UBE2U: variants seen among roughly 807,000 people sequenced by gnomAD.
The protein encoded by UBE2U is ubiquitin conjugating enzyme E2 U.
A neutral mutation model predicts 41.2 loss-of-function variants in UBE2U; 39 were observed. The ratio of observed to expected loss-of-function variants is 0.95; its 90% confidence interval spans 0.73 to 1.24. The LOEUF is 1.24. UBE2U is among the 50% of genes most tolerant of loss of function. The pLI is 0.00. For missense variants in UBE2U, 336 were observed against 363.1 expected (o/e 0.93, Z 0.61); for synonymous variants, 107 against 117.8 (o/e 0.91, Z 0.60).
intron 7 of UBE2U, among the ~76,000 whole-genome samples, chr1:64,233,236 T>C (rs1418017822): frequency 1.3e-5 from 2 of 152,070 alleles, no homozygotes; most frequent in African/African-American, 4.8e-5. Context: ...CTTGATCTCC[T>C]GACCTCGTGA....
At chr1:64,223,830 G>A (rs969917091) in intron 6 of UBE2U, among the ~76,000 whole-genome samples, 2 of 152,084 alleles carry the variant, frequency 1.3e-5, no homozygotes, top group African/African-American at 2.4e-5. Flanking sequence ...AGACTATGGG[G>A]CCAGGGGATC....
intron 6 of UBE2U, among the ~76,000 whole-genome samples, chr1:64,225,701 G>A (rs573682010): frequency 1.5e-4 from 23 of 152,308 alleles, no homozygotes; most frequent in African/African-American, 3.8e-4. Flanking sequence ...GGCTTGCGCC[G>A]AAGGAGAATT....
Position 64,244,306 on chromosome 1 carries a change from T to C in UBE2U, c.677+2573T>C, listed in dbSNP as rs825193. The C allele has an allele frequency of 2.7e-3, 2,861 of 1,060,664 alleles. 48 individuals are homozygous for C. In the African/African-American group the frequency reaches 0.043, roughly 16 times the overall value. 65.7% of individuals were successfully genotyped at this position (1,060,664 alleles called of 1,614,324 possible). On this transcript the variant is annotated intron_variant, in intron 8 of 9. Coordinates refer to ENST00000371077, the MANE Select transcript of UBE2U (RefSeq NM_001366232.2). ...GACGCTTATTATTTTATATATATGA[T>C]TTCATTCGAGATATAAATAAAAATT...
intron 8 of UBE2U, among the ~76,000 whole-genome samples, chr1:64,251,377 C>A (rs1033512034): frequency 6.6e-6 from 1 of 151,814 alleles, no homozygotes; most frequent in South Asian, 2.1e-4. Context: ...TTGAAAATTT[C>A]GAATAATGTA....
At chr1:64,257,341 G>A (rs1645109513) in intron 8 of UBE2U, among the ~76,000 whole-genome samples, 1 of 152,116 alleles carries the variant, frequency 6.6e-6, no homozygotes. Context: ...ATTCACAAGA[G>A]CAAAGACATG....
At chr1:64,215,231 CA>C (rs940042702) in intron 5 of UBE2U, among the ~76,000 whole-genome samples, 47 of 140,738 alleles carry the variant, frequency 3.3e-4, no homozygotes, top group Admixed American at 5.7e-4. Context: ...AACTCTGTCT[CA>C]AAAAAAAAAA....
chr1:64,264,080 C>T (rs1226253424), intron 9 of UBE2U, among the ~76,000 whole-genome samples: 1 of 152,218 alleles, frequency 6.6e-6, no homozygotes, highest in Non-Finnish European at 1.5e-5. Context: ...CTGTGTTAGA[C>T]TCTCACTCTT....
intron 8 of UBE2U, among the ~76,000 whole-genome samples, chr1:64,248,275 C>T (rs972923778): frequency 6.6e-6 from 1 of 152,002 alleles, no homozygotes; most frequent in African/African-American, 2.4e-5. Flanking sequence ...CATGGGTTGG[C>T]TTAGGTCCTG....
chr1:64,230,417 C>A (rs1362323764), intron 6 of UBE2U, among the ~76,000 whole-genome samples: 1 of 152,050 alleles, frequency 6.6e-6, no homozygotes, highest in Non-Finnish European at 1.5e-5. Context: ...ATTTGAGGAC[C>A]CTGCACTGCC....
Position 64,203,781 on chromosome 1 carries a change from C to T in UBE2U, c.-270C>T, listed in dbSNP as rs1651117917. ...CATCCAAGTTTGTCTTGAGACTGGG[C>T]TGTGAGCCGGCACTGCAGTGAAACG... On this transcript the variant is annotated 5_prime_UTR_variant, in exon 1 of 10. Transcript: ENST00000371077. 1 of 354,450 alleles carries T rather than the reference C, an allele frequency of 2.8e-6. No individual in the cohort carries two copies. The highest frequency in any genetic ancestry group is 5.1e-6 in the Non-Finnish European group (1 of 196,284). The allele number at this position is 354,450 out of a possible 1,614,324, so 22.0% of individuals were successfully genotyped here. A position where few individuals can be genotyped will look rare whatever the true frequency, so the allele number is the denominator to read the frequency against.
intron 8 of UBE2U, among the ~76,000 whole-genome samples, chr1:64,248,971 C>CA (rs1644963961): frequency 6.6e-6 from 1 of 152,072 alleles, no homozygotes; most frequent in East Asian, 1.9e-4. Context: ...CTGATTTTCA[C>CA]AAAAAACTGA....
At chr1:64,242,266 C>T (rs556197997) in intron 8 of UBE2U, among the ~76,000 whole-genome samples, 2 of 152,212 alleles carry the variant, frequency 1.3e-5, no homozygotes, top group Non-Finnish European at 2.9e-5. Context: ...AAGGAAGGAA[C>T]CTTAATCTCA....
At chr1:64,226,731 T>C (rs1037628546) in intron 6 of UBE2U, among the ~76,000 whole-genome samples, 31 of 23,786 alleles carry the variant, frequency 1.3e-3, no homozygotes, top group African/African-American at 6.0e-3. Flanking sequence ...TGTTTCAAAA[T>C]AAAACTTAAA....
At chr1:64,239,056 A>G (rs71645566) in intron 7 of UBE2U, among the ~76,000 whole-genome samples, 800 of 65,690 alleles carry the variant, frequency 0.012, 13 homozygotes, top group African/African-American at 0.031. Context: ...AAGAAGAAGA[A>G]GAAGAAGAAG....
chr1:64,239,157 A>AGG lies in UBE2U; in HGVS notation c.596-2495_596-2494insGG, dbSNP rs756975010. Among the ~76,000 whole-genome samples the AGG allele has an allele frequency of 3.0e-4, 11 of 37,044 alleles. No homozygotes were observed. The South Asian group carries it at 4.1e-3, about 14-fold the overall frequency. The allele number at this position is 37,044 out of a possible 152,430, so 24.3% of individuals were successfully genotyped here. A position where few individuals can be genotyped will look rare whatever the true frequency, so the allele number is the denominator to read the frequency against. ...GAAGAAGAAGAAGAAGAAGAAGAAG[A>AGG]AAGAAGAAGAAGAAGAAGAAGAAGA... On this transcript the variant is annotated intron_variant, in intron 7 of 9. Transcript: ENST00000371077.
chr1:64,258,947 A>G (rs1449915382), intron 8 of UBE2U, among the ~76,000 whole-genome samples: 1 of 152,194 alleles, frequency 6.6e-6, no homozygotes, highest in Non-Finnish European at 1.5e-5. Context: ...AACAGTGTAA[A>G]AGCGTTTCTA....
At chr1:64,266,180 T>G (rs1557755503) in intron 9 of UBE2U, among the ~76,000 whole-genome samples, 1 of 152,192 alleles carries the variant, frequency 6.6e-6, no homozygotes, top group Non-Finnish European at 1.5e-5. Flanking sequence ...TCTAGAAATA[T>G]AGACATTATA....
chr1:64,220,336 T>C (rs1652354497), intron 5 of UBE2U, among the ~76,000 whole-genome samples: 2 of 152,090 alleles, frequency 1.3e-5, no homozygotes, highest in African/African-American at 4.8e-5. Flanking sequence ...GAATCAGGAA[T>C]CTTGTCTGTT....
chr1:64,245,404 A>G (rs1446205015), intron 8 of UBE2U, among the ~76,000 whole-genome samples: 2 of 152,218 alleles, frequency 1.3e-5, no homozygotes, highest in African/African-American at 4.8e-5. Context: ...ACTCTAGCTA[A>G]TGATTGCTTC....
Sources: gnomAD v4.1 joint callset for allele counts (sites outside exome capture counted in the v4.1 genomes callset) on GRCh38, gnomAD v4.1.1 for gene constraint, MANE v1.5 for transcripts, NCBI Gene and HGNC (gene_info 2026-07-23, HGNC 2026-07-21) for gene names.